LEKR1: variants seen among roughly 807,000 people sequenced by gnomAD.
The protein encoded by LEKR1 is leucine, glutamate and lysine rich 1.
LEKR1 carries 59 observed loss-of-function variants against 72.4 expected under a neutral mutation model. The observed-to-expected ratio is 0.82, with a 90% CI of 0.66 to 1.01. The LOEUF is 1.01. Among genes scored for constraint, LEKR1 ranks in the 50% least tolerant of loss-of-function variants. The pLI is 0.00. For synonymous variants in LEKR1, 257 were observed against 263.2 expected, an observed-to-expected ratio of 0.98 and a Z score of 0.23; for missense variants, 728 against 759.2, an observed-to-expected ratio of 0.96 and a Z score of 0.48.
chr3:156,883,470 A>G (rs998955950), intron 3 of LEKR1, among the ~76,000 whole-genome samples: 1 of 152,134 alleles, frequency 6.6e-6, no homozygotes, highest in South Asian at 2.1e-4. Context: ...TGAGGACATG[A>G]GATTTGGAGG....
intron 6 of LEKR1, among the ~76,000 whole-genome samples, chr3:156,967,277 A>G (rs1728713437): frequency 6.6e-6 from 1 of 151,872 alleles, no homozygotes; most frequent in Non-Finnish European, 1.5e-5. Context: ...AGCTGGATGG[A>G]GAATGACTTT....
intron 3 of LEKR1, among the ~76,000 whole-genome samples, chr3:156,859,411 C>T (rs563600698): frequency 2.0e-5 from 3 of 152,240 alleles, no homozygotes; most frequent in Admixed American, 1.3e-4. Flanking sequence ...CACTTCACAA[C>T]GTTTTATACT....
intron 2 of LEKR1, among the ~76,000 whole-genome samples, chr3:156,844,726 T>A (rs1714363328): frequency 6.6e-6 from 1 of 152,150 alleles, no homozygotes; most frequent in African/African-American, 2.4e-5. Flanking sequence ...TTCCATGGTA[T>A]GAATGTACCA....
At chr3:156,981,408 A>G (rs1730189643) in intron 7 of LEKR1, among the ~76,000 whole-genome samples, 1 of 152,186 alleles carries the variant, frequency 6.6e-6, no homozygotes, top group Non-Finnish European at 1.5e-5. Context: ...CAAACTAATT[A>G]TCTGTAGGAA....
intron 12 of LEKR1, among the ~76,000 whole-genome samples, chr3:157,032,811 G>T (rs368181682): frequency 2.6e-5 from 4 of 151,270 alleles, no homozygotes; most frequent in Non-Finnish European, 5.9e-5. Flanking sequence ...AGATACTGTG[G>T]TTTTTTTTTC....
At chr3:157,027,982 T>G (rs1175677307) in intron 11 of LEKR1, 121 bp from the exon 12 acceptor site, 2 of 577,448 alleles carry the variant, frequency 3.5e-6, no homozygotes, top group African/African-American at 3.8e-5. Flanking sequence ...CATCATGGGT[T>G]TGGTTTCATC....
At chr3:156,926,155 G>A (rs1373540784) in intron 4 of LEKR1, among the ~76,000 whole-genome samples, 1 of 151,974 alleles carries the variant, frequency 6.6e-6, no homozygotes. Context: ...AGTTTTCACT[G>A]ATTTCACAAA....
Position 156,882,338 on chromosome 3 carries a change from G to A in LEKR1, c.263+29356G>A, listed in dbSNP as rs1200363760. ...CAAACAACCCCATCAAAAAGTGGGCGAAGGACATGAACAGACACTTCTCAA... is the reference window on the plus strand; with the variant it reads ...CAAACAACCCCATCAAAAAGTGGGCAAAGGACATGAACAGACACTTCTCAA... On this transcript the variant is annotated intron_variant, in intron 3 of 12. Coordinates refer to ENST00000356539, the MANE Select transcript of LEKR1 (RefSeq NM_001004316.3). Among the ~76,000 whole-genome samples, 660 of 151,240 alleles carry A rather than the reference G, an allele frequency of 4.4e-3. 2 individuals are homozygous for A. Among genetic ancestry groups the A allele is most frequent in the African/African-American group, 0.015 (635 of 41,402 alleles).
chr3:156,927,500 T>C lies in LEKR1; in HGVS notation c.455T>C (p.Leu152Pro). Residue 152 changes from leucine to proline, a missense_variant, in exon 5 of 13, where the codon CTA (leucine) becomes CCA (proline). Physicochemically the swap from Leu to Pro is moderately conservative, Grantham distance 98 (BLOSUM62 -3). Transcript: ENST00000356539. Reference sequence around the variant, plus strand: ...TTACTTACTTTTACTAAAAGGGAACTAACCAGTATTAAAAATGAAGTATAT... The same window carrying C: ...TTACTTACTTTTACTAAAAGGGAACCAACCAGTATTAAAAATGAAGTATAT... ...LSLLTFTKRE[L>P]TSIKNEVYDN... 8.4e-7 allele frequency: 1 copy of C among 1,196,840 alleles called. No individual in the cohort carries two copies. Among genetic ancestry groups the C allele is most frequent in the Non-Finnish European group, 1.1e-6 (1 of 934,796 alleles). 74.1% of individuals were successfully genotyped at this position (1,196,840 alleles called of 1,614,324 possible). A position where few individuals can be genotyped will look rare whatever the true frequency, so the allele number is the denominator to read the frequency against.
chr3:156,928,408 C>G (rs776283174), intron 5 of LEKR1, among the ~76,000 whole-genome samples: 1 of 151,980 alleles, frequency 6.6e-6, no homozygotes, highest in Non-Finnish European at 1.5e-5. Flanking sequence ...TGGGAATTCT[C>G]TGTACTTTCT....
chr3:156,938,166 A>G (rs1725887428), intron 5 of LEKR1, among the ~76,000 whole-genome samples: 1 of 151,836 alleles, frequency 6.6e-6, no homozygotes, highest in Non-Finnish European at 1.5e-5. Context: ...CACACACATG[A>G]GTGTGTATAC....
intron 1 of LEKR1, among the ~76,000 whole-genome samples, chr3:156,828,600 A>G (rs1711961489): frequency 6.6e-6 from 1 of 152,098 alleles, no homozygotes; most frequent in South Asian, 2.1e-4. Context: ...AAAAAAAAAC[A>G]AAAAACCCAA....
chr3:156,977,414 T>A, intron 6 of LEKR1: 1 of 502,364 alleles, frequency 2.0e-6, no homozygotes, highest in Admixed American at 2.2e-5. Context: ...GAGGACAGAT[T>A]ATTATCCTGA....
chr3:156,934,809 A>G lies in LEKR1; in HGVS notation c.559+7205A>G, dbSNP rs1264188735. On this transcript the variant is annotated intron_variant, in intron 5 of 12. Transcript: ENST00000356539. ...TTCTAAACTTTCTTTCTGTGCATAT[A>G]TATATATACATACATATACACTTAA... 2.6e-5 allele frequency among the ~76,000 whole-genome samples: 4 copies of G among 151,736 alleles called. No homozygotes were observed. The East Asian group carries it at 7.7e-4, about 29-fold the overall frequency.
At chr3:156,965,234 C>CAA (rs1205370588) in intron 6 of LEKR1, among the ~76,000 whole-genome samples, 4 of 152,068 alleles carry the variant, frequency 2.6e-5, no homozygotes, top group Non-Finnish European at 5.9e-5. Flanking sequence ...TACACACACA[C>CAA]AAACTAGAAT....
In LEKR1 at chr3:157,028,376, G is replaced by C. The variant is rs138679064; in HGVS notation, c.1642G>C (p.Glu548Gln). The C allele has an allele frequency of 8.7e-6, 14 of 1,607,870 alleles. No homozygotes were observed. The highest frequency in any genetic ancestry group is 1.2e-5 in the Non-Finnish European group (14 of 1,177,008). ...RVMLAQTQLI[E>Q]QFNQSQEENT... ...AATGCTGGCTCAAACACAACTGATA[G>C]AGCAATTTAACCAGTCCCAGGAAGA... Residue 548 changes from glutamate (E) to glutamine (Q), a missense_variant, in exon 12 of 13, where the codon GAG becomes CAG. By Grantham distance (29) the Glu-to-Gln change is conservative. Coordinates refer to ENST00000356539, the MANE Select transcript of LEKR1 (RefSeq NM_001004316.3).
chr3:156,906,649 C>G (rs1285181303), intron 3 of LEKR1, among the ~76,000 whole-genome samples: 1 of 152,070 alleles, frequency 6.6e-6, no homozygotes, highest in Non-Finnish European at 1.5e-5. Context: ...AACATTTGTG[C>G]TTTTCCAGTA....
At chr3:156,937,230 G>C (rs1041891476) in intron 5 of LEKR1, among the ~76,000 whole-genome samples, 10 of 151,950 alleles carry the variant, frequency 6.6e-5, no homozygotes, top group Admixed American at 6.6e-4. Flanking sequence ...TGTTAAAAAG[G>C]ATAAAAAGCT....
At chr3:156,975,126 GAGTTAAC>G (rs1729580359) in intron 6 of LEKR1, among the ~76,000 whole-genome samples, 1 of 152,034 alleles carries the variant, frequency 6.6e-6, no homozygotes, top group African/African-American at 2.4e-5. Flanking sequence ...AATGAAACTG[GAGTTAAC>G]AGTTAACAGG....
Sources: gnomAD v4.1 joint callset for allele counts (sites outside exome capture counted in the v4.1 genomes callset) on GRCh38, gnomAD v4.1.1 for gene constraint, MANE v1.5 for transcripts, NCBI Gene and HGNC (gene_info 2026-07-23, HGNC 2026-07-21) for gene names.